Variants in TMTC4 observed in about 807,000 individuals in gnomAD.
TMTC4 encodes the protein protein O-mannosyl-transferase TMTC4.
A neutral mutation model predicts 86.0 loss-of-function variants in TMTC4; 65 were observed. The ratio of observed to expected loss-of-function variants is 0.76; its 90% confidence interval spans 0.62 to 0.93. The LOEUF is 0.93. Ranked by LOEUF, TMTC4 falls within the 40% of genes least tolerant of loss-of-function variation. The pLI is 0.00. For synonymous variants in TMTC4, 379 were observed against 382.5 expected (o/e 0.99, Z 0.11); for missense variants, 866 against 948.1 (o/e 0.91, Z 1.14).
intron 1 of TMTC4, chr13:100,674,399 C>G (rs1227355727): frequency 4.2e-6 from 4 of 942,196 alleles, no homozygotes; most frequent in Admixed American, 6.4e-5. Flanking sequence ...CGGGTGCGCC[C>G]GGGCCGAGGG....
intron 6 of TMTC4, among the ~76,000 whole-genome samples, chr13:100,644,259 A>G (rs1241771999): frequency 6.6e-6 from 1 of 151,894 alleles, no homozygotes; most frequent in African/African-American, 2.4e-5. Context: ...GCCCGCCACC[A>G]TGCCCAGCTA....
intron 12 of TMTC4, among the ~76,000 whole-genome samples, chr13:100,633,321 A>G (rs1179661358): frequency 1.3e-4 from 5 of 39,064 alleles, no homozygotes; most frequent in Non-Finnish European, 2.9e-4. Context: ...GGAAAAAAAA[A>G]AAAAAAAAAA....
chr13:100,620,730 C>T (rs74118108), intron 15 of TMTC4, among the ~76,000 whole-genome samples: 2,881 of 152,322 alleles, frequency 0.019, 79 homozygotes, highest in African/African-American at 0.057. Context: ...CTCTTCCTGA[C>T]TTCCTATTCC....
intron 5 of TMTC4, 128 bp downstream of exon 5, chr13:100,662,836 G>A (rs892500912): frequency 2.2e-6 from 2 of 908,396 alleles, no homozygotes; most frequent in African/African-American, 3.4e-5. Context: ...ATGTTGTGGA[G>A]TAGACTTTCT....
intron 6 of TMTC4, among the ~76,000 whole-genome samples, chr13:100,642,732 G>T (rs1206244311): frequency 6.6e-6 from 1 of 152,176 alleles, no homozygotes; most frequent in African/African-American, 2.4e-5. Flanking sequence ...TGCCATGATG[G>T]AGCTGCTGGG....
chr13:100,612,854 T>G (rs1877859525), intron 16 of TMTC4, among the ~76,000 whole-genome samples: 1 of 152,256 alleles, frequency 6.6e-6, no homozygotes, highest in Non-Finnish European at 1.5e-5. Flanking sequence ...AGGATGACAG[T>G]AACACTTTCA....
intron 6 of TMTC4, among the ~76,000 whole-genome samples, chr13:100,651,662 G>A (rs1884461807): frequency 6.6e-6 from 1 of 152,054 alleles, no homozygotes; most frequent in South Asian, 2.1e-4. Flanking sequence ...CATAAAAAAA[G>A]TTAATGATGT....
chr13:100,634,468 C>T (rs945524693), intron 12 of TMTC4, among the ~76,000 whole-genome samples: 2 of 152,004 alleles, frequency 1.3e-5, no homozygotes, highest in African/African-American at 2.4e-5. Flanking sequence ...GAATCTGTGC[C>T]GTGCCCACCC....
Position 100,634,727 on chromosome 13 carries a change from G to A in TMTC4, c.1506+78C>T, listed in dbSNP as rs1881949862. On this transcript the variant is annotated intron_variant, in intron 12 of 18. Transcript: ENST00000342624. ...TCTTACACTAAATACTGCGCGACAG[G>A]AAATGTTCTTATTCAGCCCAAGAAC... 5 of 1,526,642 alleles carry A rather than the reference G, an allele frequency of 3.3e-6. No individual in the cohort carries two copies. The South Asian group carries it at 3.9e-5, about 12-fold the overall frequency. 94.6% of individuals were successfully genotyped at this position (1,526,642 alleles called of 1,614,324 possible).
At position 100,640,537 on chromosome 13, in the gene TMTC4, C is replaced by G. The variant is rs1388866470; in HGVS notation, c.741+1674G>C. 3.3e-5 allele frequency among the ~76,000 whole-genome samples: 5 copies of G among 152,236 alleles called. No individual in the cohort carries two copies. In the East Asian group the frequency reaches 9.7e-4, roughly 29 times the overall value. ...CTTTAATTGTTCTTTCCTTTCCAAG[C>G]TATTTCTATATGATCATTCTAATCC... On this transcript the variant is annotated intron_variant, in intron 7 of 18. Transcript: ENST00000342624.
intron 4 of TMTC4, 57 bp from the exon 5 acceptor site, chr13:100,663,237 C>T (rs905639794): frequency 7.3e-6 from 11 of 1,502,726 alleles, no homozygotes; most frequent in Non-Finnish European, 8.3e-6. Flanking sequence ...CAAGAAATGG[C>T]AAAGGTCTGG....
At chr13:100,614,720 T>A (rs1336824014) in intron 15 of TMTC4, among the ~76,000 whole-genome samples, 1 of 152,192 alleles carries the variant, frequency 6.6e-6, no homozygotes, top group East Asian at 1.9e-4. Context: ...AAAGCAGGAA[T>A]AAGAACAAGG....
chr13:100,673,299 T>G (rs533781439), intron 1 of TMTC4: 2 of 985,282 alleles, frequency 2.0e-6, no homozygotes, highest in Admixed American at 6.1e-5. Flanking sequence ...GTAAACAGAA[T>G]GGCGAGACCA....
intron 17 of TMTC4, among the ~76,000 whole-genome samples, chr13:100,609,505 A>G (rs1235546713): frequency 6.6e-6 from 1 of 152,200 alleles, no homozygotes; most frequent in East Asian, 1.9e-4. Context: ...CAGAAAAAGA[A>G]ATCAGCACAG....
chr13:100,605,046 T>A lies in TMTC4; in HGVS notation c.2231A>T (p.Asn744Ile), dbSNP rs763560019. 1.6e-5 allele frequency: 26 copies of A among 1,614,134 alleles called. No individual in the cohort carries two copies. Among genetic ancestry groups the A allele is most frequent in the Non-Finnish European group, 2.2e-5 (26 of 1,180,010 alleles). ...LDPTASGTKE[N>I]YGLLRRKLEL... ...TAGCTTTCTTCTCAGCAGACCGTAA[T>A]TCTCCTTAGTTCCTGATGCCGTGGG... is the stretch of plus-strand genomic sequence containing the variant. Residue 744 changes from asparagine to isoleucine, a missense_variant, in exon 19 of 19, where the codon AAT becomes ATT. Asn to Ile is a moderately radical substitution (Grantham distance 149). Coordinates refer to ENST00000342624, the MANE Select transcript of TMTC4 (RefSeq NM_032813.5). This position sits in a 1 kb window ranked among gnomAD's most constrained non-coding sequence, Gnocchi z 4.3.
At chr13:100,665,976 T>C in intron 3 of TMTC4, 1 of 455,886 alleles carries the variant, frequency 2.2e-6, no homozygotes, top group South Asian at 1.6e-5. Context: ...TACCTTCTTC[T>C]ACACTCTTAC....
rs923302292 is a variant in TMTC4, at chr13:100,624,776, A to T, written c.1836+759T>A. ...TCCAGTTTGGTTAGAATGAACACAA[A>T]TTTTTTAATTAACAATGTTTATTGA... On this transcript the variant is annotated intron_variant, in intron 15 of 18. Transcript: ENST00000342624. 4 of 152,170 alleles carry T rather than the reference A, an allele frequency of 2.6e-5. No homozygotes were observed. In the East Asian group the frequency reaches 5.8e-4, roughly 22 times the overall value. 9.4% of individuals were successfully genotyped at this position (152,170 alleles called of 1,614,324 possible).
chr13:100,632,053 A>ACACTCTCT (rs1296569630), intron 12 of TMTC4, among the ~76,000 whole-genome samples: 878 of 42,894 alleles, frequency 0.02, 6 homozygotes, highest in Non-Finnish European at 0.028. Flanking sequence ...ACACACACAC[A>ACACTCTCT]CTCTCTCTCT....
At chr13:100,652,859 G>A (rs1430513434) in intron 6 of TMTC4, among the ~76,000 whole-genome samples, 5 of 152,200 alleles carry the variant, frequency 3.3e-5, no homozygotes, top group African/African-American at 1.2e-4. Context: ...TCAGGGGCAT[G>A]AACTTTGTTG....
Sources: allele counts gnomAD v4.1 joint callset (sites outside exome capture counted in the v4.1 genomes callset), GRCh38; gene constraint gnomAD v4.1.1; non-coding constraint Gnocchi (gnomAD v3.1); transcripts MANE v1.5; gene names NCBI Gene and HGNC (gene_info 2026-07-23, HGNC 2026-07-21).